GOLPH3: variants seen among roughly 807,000 people sequenced by gnomAD.
GOLPH3 encodes coat protein GPP34.
Under a neutral mutation model 28.5 loss-of-function variants are expected in GOLPH3, and 14 were observed. The observed-to-expected ratio is 0.49, with a 90% CI of 0.32 to 0.77. GOLPH3 has a LOEUF of 0.77. GOLPH3 is among the 30% of genes least tolerant of loss of function. The pLI is 0.03. For synonymous variants in GOLPH3, 158 were observed against 159.2 expected, an observed-to-expected ratio of 0.99 and a Z score of 0.06; for missense variants, 350 against 393.7, an observed-to-expected ratio of 0.89 and a Z score of 0.94.
chr5:32,138,594 A>G (rs950744271), intron 2 of GOLPH3, among the ~76,000 whole-genome samples: 45 of 152,346 alleles, frequency 3.0e-4, no homozygotes, highest in African/African-American at 1.1e-3. Flanking sequence ...TAATTTTAAT[A>G]TTTTGATTTA....
intron 1 of GOLPH3, among the ~76,000 whole-genome samples, chr5:32,147,747 C>G (rs1746210270): frequency 6.6e-6 from 1 of 151,904 alleles, no homozygotes; most frequent in African/African-American, 2.4e-5. Context: ...TTGACAGAGG[C>G]AAAACACTAG....
chr5:32,165,286 A>C (rs868244574), intron 1 of GOLPH3, among the ~76,000 whole-genome samples: 2 of 152,180 alleles, frequency 1.3e-5, no homozygotes, highest in South Asian at 4.1e-4. Flanking sequence ...TATGACATCA[A>C]AAAATTATAG....
chr5:32,148,563 C>T (rs1187400634), intron 1 of GOLPH3, among the ~76,000 whole-genome samples: 1 of 152,126 alleles, frequency 6.6e-6, no homozygotes, highest in East Asian at 1.9e-4. Context: ...TTTGGGAGGC[C>T]AAGGTGGGCA....
At chr5:32,169,112 A>T (rs1746777551) in intron 1 of GOLPH3, among the ~76,000 whole-genome samples, 1 of 150,974 alleles carries the variant, frequency 6.6e-6, no homozygotes. Flanking sequence ...CTGTCTTTAT[A>T]AAAAAAAAAT....
intron 2 of GOLPH3, among the ~76,000 whole-genome samples, chr5:32,143,541 TGGCC>T: frequency 6.6e-6 from 1 of 152,222 alleles, no homozygotes; most frequent in African/African-American, 2.4e-5. Context: ...TAAGATCCAG[TGGCC>T]GGTTACCTTA....
At position 32,173,942 on chromosome 5, in the gene GOLPH3, G is replaced by A. The variant is rs1336483381; in HGVS notation, c.93C>T (p.Gly31=). ...NAADKERAAG[G]GAGSSEDDAQ... The stretch of plus-strand genomic sequence containing the variant: ...CGTCGTCCTCGCTGCTGCCGGCGCC[G>A]CCGCCCGCCGCCCGCTCCTTGTCGG... Residue 31 remains glycine (G), a synonymous_variant, in exon 1 of 4, where the codon GGC becomes GGT. Transcript: ENST00000265070. The A allele has an allele frequency of 1.7e-5, 25 of 1,463,366 alleles. No homozygotes were observed. The highest frequency in any genetic ancestry group is 2.1e-5 in the Non-Finnish European group (23 of 1,113,110). 90.6% of individuals were successfully genotyped at this position (1,463,366 alleles called of 1,614,324 possible).
chr5:32,136,132 G>A (rs548345466), intron 2 of GOLPH3, among the ~76,000 whole-genome samples: 9 of 152,054 alleles, frequency 5.9e-5, no homozygotes, highest in Admixed American at 2.0e-4. Context: ...CCAAGATCAC[G>A]CCGCTGCACT....
chr5:32,138,640 A>T (rs959204358), intron 2 of GOLPH3, among the ~76,000 whole-genome samples: 3 of 152,218 alleles, frequency 2.0e-5, no homozygotes, highest in Non-Finnish European at 4.4e-5. Flanking sequence ...TGTAATAAGT[A>T]TTTTTAAATT....
chr5:32,151,734 T>G (rs959148814), intron 1 of GOLPH3, among the ~76,000 whole-genome samples: 4 of 152,180 alleles, frequency 2.6e-5, no homozygotes, highest in African/African-American at 9.7e-5. Context: ...ATATAGTATA[T>G]GCATACAAGA....
chr5:32,156,460 G>A (rs370440991), intron 1 of GOLPH3, among the ~76,000 whole-genome samples: 4 of 151,628 alleles, frequency 2.6e-5, no homozygotes, highest in South Asian at 4.2e-4. Flanking sequence ...TGGAGACTGC[G>A]CCACTGCACT....
chr5:32,151,345 C>G (rs941542157), intron 1 of GOLPH3, among the ~76,000 whole-genome samples: 1 of 151,616 alleles, frequency 6.6e-6, no homozygotes, highest in African/African-American at 2.4e-5. Flanking sequence ...GGTAACACAG[C>G]GAGAGCTGTC....
intron 2 of GOLPH3, among the ~76,000 whole-genome samples, chr5:32,138,715 C>T (rs1042709027): frequency 6.6e-6 from 1 of 152,190 alleles, no homozygotes; most frequent in Non-Finnish European, 1.5e-5. Context: ...TATGTTTTTA[C>T]TAACACCATG....
chr5:32,137,567 G>A (rs1319698462), intron 2 of GOLPH3, among the ~76,000 whole-genome samples: 1 of 152,062 alleles, frequency 6.6e-6, no homozygotes, highest in Non-Finnish European at 1.5e-5. Context: ...GCTGAGGCAG[G>A]AGAATTGCTT....
chr5:32,144,130 A>C (rs1290278364), intron 1 of GOLPH3, among the ~76,000 whole-genome samples: 2 of 152,224 alleles, frequency 1.3e-5, no homozygotes, highest in African/African-American at 4.8e-5. Flanking sequence ...TTAGAAACAT[A>C]ACTCACATTT....
At chr5:32,153,813 A>G (rs933749494) in intron 1 of GOLPH3, among the ~76,000 whole-genome samples, 3 of 152,182 alleles carry the variant, frequency 2.0e-5, no homozygotes, top group South Asian at 2.1e-4. Flanking sequence ...TCTGTATACG[A>G]AAGAGTCCTA....
rs1746653990 is a variant in GOLPH3, at chr5:32,164,121, G to T, written c.225+9689C>A. ...ACACGCAGTTCAGTATGCTAAAATT[G>T]TTCCTCTTCCTACTGAACTACAAGC... On this transcript the variant is annotated intron_variant, in intron 1 of 3. Coordinates refer to ENST00000265070, the MANE Select transcript of GOLPH3 (RefSeq NM_022130.4). 3.3e-5 allele frequency among the ~76,000 whole-genome samples: 5 copies of T among 152,202 alleles called. No individual in the cohort carries two copies. The South Asian group carries it at 1.0e-3, about 32-fold the overall frequency.
At position 32,158,324 on chromosome 5, in the gene GOLPH3, T is replaced by C. The variant is rs1746501168; in HGVS notation, c.226-14444A>G. Among the ~76,000 whole-genome samples the C allele has an allele frequency of 2.0e-5, 3 of 152,220 alleles. No homozygotes were observed. In the South Asian group the frequency reaches 6.2e-4, roughly 32 times the overall value. On this transcript the variant is annotated intron_variant, in intron 1 of 3. Coordinates refer to ENST00000265070, the MANE Select transcript of GOLPH3 (RefSeq NM_022130.4). ...AACTCAATAAACTCAATTTCATACA[T>C]ACCCACTCTTTTGTCTCGTTACAGT...
chr5:32,128,804 A>T (rs1374553035), intron 3 of GOLPH3, among the ~76,000 whole-genome samples: 2 of 129,352 alleles, frequency 1.5e-5, no homozygotes, highest in African/African-American at 3.8e-5. Flanking sequence ...CATCGAAGTT[A>T]AAAAAAAAAA....
chr5:32,167,276 A>AGCC (rs1412650215), intron 1 of GOLPH3, among the ~76,000 whole-genome samples: 1 of 152,054 alleles, frequency 6.6e-6, no homozygotes, highest in Non-Finnish European at 1.5e-5. Flanking sequence ...GGTTCAAGTG[A>AGCC]TTCTCCTGCC....
Sources: allele counts gnomAD v4.1 joint callset (sites outside exome capture counted in the v4.1 genomes callset), GRCh38; gene constraint gnomAD v4.1.1; transcripts MANE v1.5; gene names NCBI Gene and HGNC (gene_info 2026-07-23, HGNC 2026-07-21).